PBX1: variants seen among roughly 807,000 people sequenced by gnomAD.
PBX1 encodes the protein pre-B-cell leukemia transcription factor 1.
In PBX1, 6 loss-of-function variants were observed where a neutral mutation model predicts 53.4. The observed-to-expected ratio is 0.11, with a 90% confidence interval of 0.06 to 0.22. The LOEUF is 0.22. Among genes scored for constraint, PBX1 ranks in the 10% least tolerant of loss-of-function variants. The pLI is 1.00. For synonymous variants in PBX1, 204 were observed against 212.3 expected, an observed-to-expected ratio of 0.96 and a Z score of 0.34; for missense variants, 251 against 551.4, an observed-to-expected ratio of 0.46 and a Z score of 5.46.
rs1300110152 is a variant in PBX1, at chr1:164,821,640, C to A, written c.1200+14C>A. The A allele has an allele frequency of 1.3e-6, 2 of 1,591,246 alleles. No homozygotes were observed. The highest frequency in any genetic ancestry group is 3.3e-5 in the Admixed American group (2 of 59,940). Reference sequence around the variant, plus strand: ...CAGGGCATCAGTGTAAGAAAACAAGCCCCCCCACCCCCTGCTTTGTTTTTA... The same window carrying A: ...CAGGGCATCAGTGTAAGAAAACAAGACCCCCCACCCCCTGCTTTGTTTTTA... On this transcript the variant is annotated intron_variant, in intron 8 of 8. Transcript: ENST00000420696.
intron 2 of PBX1, among the ~76,000 whole-genome samples, chr1:164,861,981 G>T (rs751906858): frequency 5.3e-5 from 8 of 152,304 alleles, no homozygotes; most frequent in Non-Finnish European, 8.8e-5. Flanking sequence ...AGGGCCTCTT[G>T]TAAGGTCTAG....
At chr1:164,613,527 GC>G (rs1450632253) in intron 2 of PBX1, among the ~76,000 whole-genome samples, 1 of 152,070 alleles carries the variant, frequency 6.6e-6, no homozygotes, top group African/African-American at 2.4e-5. Flanking sequence ...TCTCCTGTGA[GC>G]CCCCCTAGCA....
intron 3 of PBX1, among the ~76,000 whole-genome samples, chr1:164,793,341 A>C (rs1668619568): frequency 6.6e-6 from 1 of 152,154 alleles, no homozygotes; most frequent in South Asian, 2.1e-4. Flanking sequence ...AAAGGGTAGG[A>C]GGTTCAGGAG....
intron 2 of PBX1, among the ~76,000 whole-genome samples, chr1:164,688,687 ACT>A (rs753968853): frequency 3.2e-4 from 49 of 151,816 alleles, no homozygotes; most frequent in East Asian, 2.7e-3. Flanking sequence ...ACAACACATG[ACT>A]CTGTCGCCAC....
At chr1:164,678,506 C>T (rs1196414506) in intron 2 of PBX1, among the ~76,000 whole-genome samples, 3 of 152,210 alleles carry the variant, frequency 2.0e-5, no homozygotes, top group African/African-American at 4.8e-5. Flanking sequence ...CATTGGCCTT[C>T]TTCACGTGAC....
chr1:164,581,865 G>A (rs1351678414), intron 2 of PBX1, among the ~76,000 whole-genome samples: 1 of 152,038 alleles, frequency 6.6e-6, no homozygotes. Flanking sequence ...GTTTTCTTGT[G>A]TTTACATTTT....
chr1:164,827,590 T>A (rs562090679), intron 8 of PBX1, among the ~76,000 whole-genome samples: 45 of 152,332 alleles, frequency 3.0e-4, no homozygotes, highest in Admixed American at 1.1e-3. Flanking sequence ...AGTAAGTGCC[T>A]TTCCTTCTTA....
At chr1:164,814,427 G>C (rs1016457895) in intron 6 of PBX1, 1 of 151,996 alleles carries the variant, frequency 6.6e-6, no homozygotes, top group Non-Finnish European at 1.5e-5. Flanking sequence ...CAAAATATAA[G>C]TACTCATTTC....
chr1:164,663,381 C>T (rs1412768972), intron 2 of PBX1, among the ~76,000 whole-genome samples: 1 of 151,880 alleles, frequency 6.6e-6, no homozygotes, highest in Non-Finnish European at 1.5e-5. Context: ...GAGATTTGGT[C>T]AGAGTAGAAA....
chr1:164,855,656 G>T (rs777318648), downstream of PBX1, among the ~76,000 whole-genome samples: 2 of 152,152 alleles, frequency 1.3e-5, no homozygotes, highest in Admixed American at 1.3e-4. Context: ...TGAAAACTTG[G>T]TGAGGAAGCA....
chr1:164,790,920 T>A (rs1208737455), intron 2 of PBX1, among the ~76,000 whole-genome samples: 1 of 152,130 alleles, frequency 6.6e-6, no homozygotes, highest in Non-Finnish European at 1.5e-5. Flanking sequence ...CACCTGGAAC[T>A]GGCACTGTCC....
At chr1:164,560,994 C>A (rs1373411430) in intron 1 of PBX1, among the ~76,000 whole-genome samples, 2 of 152,200 alleles carry the variant, frequency 1.3e-5, no homozygotes, top group Non-Finnish European at 2.9e-5. Flanking sequence ...TTCTCTACTT[C>A]AGGATTTTAC....
intron 2 of PBX1, among the ~76,000 whole-genome samples, chr1:164,877,264 A>G (rs1013753928): frequency 2.6e-5 from 4 of 151,980 alleles, no homozygotes; most frequent in Admixed American, 6.5e-5. Flanking sequence ...GCAAAAAAAA[A>G]AAACCCAAAC....
At chr1:164,769,364 G>T (rs1392249026) in intron 2 of PBX1, 1 of 152,286 alleles carries the variant, frequency 6.6e-6, no homozygotes, top group East Asian at 1.9e-4. Context: ...GTCCTGCAGG[G>T]TAAAGTGTGA....
At chr1:164,750,995 CA>C (rs1173551794) in intron 2 of PBX1, among the ~76,000 whole-genome samples, 1 of 152,016 alleles carries the variant, frequency 6.6e-6, no homozygotes, top group African/African-American at 2.4e-5. Context: ...ACTATGAGGT[CA>C]AAAGTATATT....
chr1:164,709,949 C>T (rs137981934), intron 2 of PBX1, among the ~76,000 whole-genome samples: 1,874 of 152,294 alleles, frequency 0.012, 16 homozygotes, highest in Non-Finnish European at 0.018. Context: ...TGACACAGGC[C>T]TCTTCAGGCT....
chr1:164,608,377 G>A (rs1656693377), intron 2 of PBX1, among the ~76,000 whole-genome samples: 3 of 152,188 alleles, frequency 2.0e-5, no homozygotes, highest in Admixed American at 6.5e-5. Flanking sequence ...TCAGTGTTGT[G>A]TGCCTCAGGT....
chr1:164,560,322 G>C, intron 1 of PBX1: 1 of 398,688 alleles, frequency 2.5e-6, no homozygotes, highest in Non-Finnish European at 4.4e-6. Flanking sequence ...ATCCAAAAGC[G>C]GCCCTCGGCA....
intron 2 of PBX1, among the ~76,000 whole-genome samples, chr1:164,645,692 A>T (rs1450383412): frequency 6.6e-6 from 1 of 152,190 alleles, no homozygotes; most frequent in Non-Finnish European, 1.5e-5. Context: ...CAACACGTAC[A>T]CACAGATATA....
Sources: gnomAD v4.1 joint callset for allele counts (sites outside exome capture counted in the v4.1 genomes callset) on GRCh38, gnomAD v4.1.1 for gene constraint, MANE v1.5 for transcripts, NCBI Gene and HGNC (gene_info 2026-07-23, HGNC 2026-07-21) for gene names.